NARS1: variants seen among roughly 807,000 people sequenced by gnomAD.
The protein encoded by NARS1 is asparaginyl-tRNA synthetase 1, also known as asparagine--tRNA ligase, cytoplasmic.
NARS1 carries 65 observed loss-of-function variants against 79.2 expected under a neutral mutation model. The observed-to-expected ratio is 0.82, with a 90% CI of 0.67 to 1.01. The LOEUF is 1.01. Among genes scored for constraint, NARS1 ranks in the 50% least tolerant of loss-of-function variants. NARS1 has a pLI of 0.00. For missense variants in NARS1, 649 were observed against 673.8 expected, an observed-to-expected ratio of 0.96 and a Z score of 0.41; for synonymous variants, 229 against 238.8, an observed-to-expected ratio of 0.96 and a Z score of 0.38.
At chr18:57,608,437 C>CAAAAAAAAAAAAAA (rs1175712420) in intron 7 of NARS1, among the ~76,000 whole-genome samples, 8 of 78,254 alleles carry the variant, frequency 1.0e-4, no homozygotes, top group Non-Finnish European at 1.1e-4. Context: ...AACTCCGTCT[C>CAAAAAAAAAAAAAA]AAAAAAAAAA....
At chr18:57,605,342 C>T (rs1043414118) in intron 11 of NARS1, among the ~76,000 whole-genome samples, 8 of 151,820 alleles carry the variant, frequency 5.3e-5, no homozygotes, top group Non-Finnish European at 1.0e-4. Flanking sequence ...GAAGCGGTGG[C>T]TCACGCCTAT....
At chr18:57,602,043 CTT>C (rs1246915705) in intron 13 of NARS1, among the ~76,000 whole-genome samples, 1 of 152,036 alleles carries the variant, frequency 6.6e-6, no homozygotes, top group Non-Finnish European at 1.5e-5. Context: ...TTTTTAAAAA[CTT>C]TTAAAATAAG....
intron 6 of NARS1, 38 bp downstream of exon 6, chr18:57,611,599 C>A (rs745428090): frequency 3.7e-6 from 5 of 1,355,752 alleles, no homozygotes; most frequent in Admixed American, 4.1e-5. Flanking sequence ...CTACTGAAAA[C>A]ATCTAATTTT....
At chr18:57,619,700 CT>C (rs1599042059) in intron 2 of NARS1, among the ~76,000 whole-genome samples, 1 of 151,950 alleles carries the variant, frequency 6.6e-6, no homozygotes, top group Non-Finnish European at 1.5e-5. Flanking sequence ...AGTCCAAGCC[CT>C]TTTTTTGTTT....
intron 11 of NARS1, among the ~76,000 whole-genome samples, chr18:57,605,204 A>C (rs2051543691): frequency 6.6e-6 from 1 of 151,410 alleles, no homozygotes; most frequent in Admixed American, 6.6e-5. Flanking sequence ...CAACCTTCTA[A>C]AGCACTCCTA....
chr18:57,615,371 G>A (rs893030785), intron 4 of NARS1, among the ~76,000 whole-genome samples: 29 of 151,870 alleles, frequency 1.9e-4, no homozygotes, highest in East Asian at 5.8e-4. Context: ...GCGTGGTGGC[G>A]GGCGCCTGTA....
At chr18:57,619,895 C>A (rs2122461987) in intron 2 of NARS1, among the ~76,000 whole-genome samples, 1 of 152,138 alleles carries the variant, frequency 6.6e-6, no homozygotes. Context: ...ACCAAGTTGC[C>A]CAAGCTGGTC....
At chr18:57,604,092 C>T (rs1267926786) in intron 11 of NARS1, among the ~76,000 whole-genome samples, 1 of 152,204 alleles carries the variant, frequency 6.6e-6, no homozygotes, top group African/African-American at 2.4e-5. Context: ...CACTGGTCTT[C>T]AGTTACACAG....
intron 11 of NARS1, among the ~76,000 whole-genome samples, chr18:57,604,102 G>A (rs1207901430): frequency 6.6e-6 from 1 of 152,190 alleles, no homozygotes. Flanking sequence ...CAGTTACACA[G>A]CACAAAAGAA....
intron 12 of NARS1, 74 bp from the exon 13 acceptor site, chr18:57,602,560 T>C (rs1056415551): frequency 2.0e-6 from 3 of 1,524,972 alleles, no homozygotes; most frequent in Admixed American, 1.9e-5. Context: ...AGAGTTTAAA[T>C]GAAAATTACA....
intron 2 of NARS1, among the ~76,000 whole-genome samples, chr18:57,616,192 C>T (rs1368208494): frequency 2.6e-5 from 4 of 151,906 alleles, no homozygotes; most frequent in African/African-American, 9.7e-5. Flanking sequence ...TTTGGAAGGC[C>T]GAGGTGGGTG....
chr18:57,602,779 AAATT>A, intron 12 of NARS1, 29 bp downstream of exon 12: 1 of 1,610,020 alleles, frequency 6.2e-7, no homozygotes, highest in African/African-American at 1.3e-5. Flanking sequence ...TTAAAAAGCA[AAATT>A]ATTAATACTC....
At chr18:57,603,744 G>A (rs1457230655) in intron 11 of NARS1, among the ~76,000 whole-genome samples, 1 of 152,012 alleles carries the variant, frequency 6.6e-6, no homozygotes, top group East Asian at 1.9e-4. Flanking sequence ...CTGTTTTCAA[G>A]CTCCAGGCTC....
chr18:57,607,575 A>G lies in NARS1; in HGVS notation c.670T>C (p.Ser224Pro). 1 of 1,613,762 alleles carries G rather than the reference A, an allele frequency of 6.2e-7. No homozygotes were observed. The highest frequency in any genetic ancestry group is 2.2e-5 in the East Asian group (1 of 44,846). Residue 224 changes from serine to proline, a missense_variant, in exon 8 of 14, where the codon TCT becomes CCT. Ser to Pro is a moderately conservative substitution (Grantham distance 74). Coordinates refer to ENST00000256854, the MANE Select transcript of NARS1 (RefSeq NM_004539.4). ...TTGTTGAGCTGGACATCAACGTCAG[A>G]CTCCTCATTGATCAGGTTGTCAGCT... ...GGADNLINEE[S>P]DVDVQLNNRH...
intron 2 of NARS1, among the ~76,000 whole-genome samples, chr18:57,618,880 C>A (rs1488149463): frequency 6.6e-6 from 1 of 152,014 alleles, no homozygotes; most frequent in Non-Finnish European, 1.5e-5. Context: ...CCAGCCTGGG[C>A]AACAAATTAA....
rs1568168281 is a variant in NARS1, at chr18:57,621,763, C to CGACGCCGTCTTAT, written c.-59_-47dup. On this transcript the variant is annotated 5_prime_UTR_variant, in exon 1 of 14. Coordinates refer to ENST00000256854, the MANE Select transcript of NARS1 (RefSeq NM_004539.4). The stretch of plus-strand genomic sequence containing the variant: ...CCTCCAAGGACACAGACTGCAACAC[C>CGACGCCGTCTTAT]GACGCCGTCTTATGACTCCAACGTG... The CGACGCCGTCTTAT allele has an allele frequency of 1.2e-6, 2 of 1,613,642 alleles. No homozygotes were observed.
chr18:57,610,097 A>C (rs1193602082), intron 6 of NARS1, among the ~76,000 whole-genome samples: 2 of 143,390 alleles, frequency 1.4e-5, no homozygotes, highest in African/African-American at 5.7e-5. Context: ...ATCACTTCTT[A>C]CTAAAGTCAT....
At chr18:57,609,534 T>C in intron 6 of NARS1, 91 bp from the exon 7 acceptor site, 1 of 977,558 alleles carries the variant, frequency 1.0e-6, no homozygotes, top group Non-Finnish European at 1.6e-6. Context: ...TACAAACAAG[T>C]TATCTGATCA....
intron 2 of NARS1, among the ~76,000 whole-genome samples, chr18:57,618,959 G>A (rs1338379826): frequency 6.6e-6 from 1 of 152,084 alleles, no homozygotes. Context: ...ACACACCAAA[G>A]TTTATAACCA....
Sources: allele counts gnomAD v4.1 joint callset (sites outside exome capture counted in the v4.1 genomes callset), GRCh38; gene constraint gnomAD v4.1.1; transcripts MANE v1.5; gene names NCBI Gene and HGNC (gene_info 2026-07-23, HGNC 2026-07-21).